RASEF: variants seen among roughly 807,000 people sequenced by gnomAD.
RASEF encodes RAS and EF-hand domain containing.
RASEF carries 68 observed loss-of-function variants against 90.1 expected under a neutral mutation model. The observed-to-expected ratio is 0.75, with a 90% CI of 0.62 to 0.92. RASEF has a LOEUF of 0.92. Ranked by LOEUF, RASEF falls within the 40% of genes least tolerant of loss-of-function variation. The pLI, the probability that RASEF is intolerant of heterozygous loss-of-function variation, is 0.00. For missense variants in RASEF, 949 were observed against 937.2 expected (o/e 1.01, Z -0.16); for synonymous variants, 331 against 345.2 (o/e 0.96, Z 0.46).
chr9:83,192,948 A>G, the RASEF span, among the ~76,000 whole-genome samples: 2 of 152,316 alleles, frequency 1.3e-5, no homozygotes, highest in Non-Finnish European at 2.9e-5. Flanking sequence ...GTGTTGGCCA[A>G]TGTGCCCAGG....
intron 3 of RASEF, among the ~76,000 whole-genome samples, chr9:83,016,187 T>C (rs528215595): frequency 3.9e-5 from 6 of 152,326 alleles, no homozygotes; most frequent in Admixed American, 2.0e-4. Flanking sequence ...ATAGAGACCA[T>C]AGCACATCAA....
chr9:83,092,628 T>G, the RASEF span, among the ~76,000 whole-genome samples: 1 of 152,022 alleles, frequency 6.6e-6, no homozygotes, highest in Non-Finnish European at 1.5e-5. Context: ...GTAGCGAGAT[T>G]TATTGCAAAG....
intron 1 of RASEF, among the ~76,000 whole-genome samples, chr9:83,044,517 A>T (rs61286285): frequency 0.044 from 6,735 of 152,180 alleles, 450 homozygotes; most frequent in African/African-American, 0.15. Flanking sequence ...ATAAAAAAAA[A>T]ATTAATAACT....
intron 9 of RASEF, among the ~76,000 whole-genome samples, chr9:83,003,669 C>T (rs1370870391): frequency 2.0e-5 from 3 of 152,116 alleles, no homozygotes; most frequent in Non-Finnish European, 4.4e-5. Context: ...AATAAGCCTT[C>T]GTAACAGGTC....
chr9:83,017,774 ACAT>A (rs1397903157), intron 3 of RASEF, among the ~76,000 whole-genome samples: 1 of 152,246 alleles, frequency 6.6e-6, no homozygotes, highest in Non-Finnish European at 1.5e-5. Flanking sequence ...TATCTCTTCC[ACAT>A]ATGAATGCAA....
chr9:83,055,118 G>C, intron 1 of RASEF: 1 of 169,174 alleles, frequency 5.9e-6, no homozygotes, highest in Non-Finnish European at 1.2e-5. Flanking sequence ...GCAAGCCTGG[G>C]CAATGGCGGG....
At chr9:83,115,904 A>AT in the RASEF span, among the ~76,000 whole-genome samples, 1 of 152,168 alleles carries the variant, frequency 6.6e-6, no homozygotes, top group Admixed American at 6.5e-5. Flanking sequence ...AGCTACAACT[A>AT]TTTTTTAAAA....
At chr9:83,209,110 T>C in the RASEF span, among the ~76,000 whole-genome samples, 1 of 152,324 alleles carries the variant, frequency 6.6e-6, no homozygotes, top group South Asian at 2.1e-4. Context: ...GCTCTGCTTC[T>C]CCGGGAGTCA....
chr9:83,192,671 G>A, the RASEF span, among the ~76,000 whole-genome samples: 4 of 148,632 alleles, frequency 2.7e-5, no homozygotes, highest in Non-Finnish European at 4.4e-5. Context: ...AAGTTTACCT[G>A]TATAACAAAC....
At chr9:83,070,795 C>A in the RASEF span, among the ~76,000 whole-genome samples, 5 of 152,238 alleles carry the variant, frequency 3.3e-5, no homozygotes, top group South Asian at 1.0e-3. Flanking sequence ...TCTTTATTTT[C>A]TCTCAACAAT....
intron 16 of RASEF, among the ~76,000 whole-genome samples, chr9:82,987,669 T>C (rs780820140): frequency 3.7e-4 from 56 of 152,306 alleles, no homozygotes; most frequent in Middle Eastern, 3.4e-3. Flanking sequence ...AACTTTAATA[T>C]GACCCCATAA....
intron 1 of RASEF, among the ~76,000 whole-genome samples, chr9:83,053,725 T>C (rs1289224443): frequency 6.8e-6 from 1 of 147,440 alleles, no homozygotes; most frequent in African/African-American, 2.7e-5. Flanking sequence ...CAGGAGCTCT[T>C]TTAGGGCAGG....
rs771202053 is a variant in RASEF, at chr9:83,062,655, G to A, written c.213C>T (p.Phe71=). Residue 71 remains phenylalanine (F), a synonymous_variant, in exon 1 of 17, where the codon TTC becomes TTT. Coordinates refer to ENST00000376447, the MANE Select transcript of RASEF (RefSeq NM_152573.4). Reference sequence around the variant, plus strand: ...GCCGCCCCCCGCGGAGGGACCCGAGGAAGCCACGCGCGAACTCCTGGAAGG... The same window carrying A: ...GCCGCCCCCCGCGGAGGGACCCGAGAAAGCCACGCGCGAACTCCTGGAAGG... ...AITFQEFARG[F]LGSLRGGRRR... 2 of 1,566,260 alleles carry A rather than the reference G, an allele frequency of 1.3e-6. No homozygotes were observed. The highest frequency in any genetic ancestry group is 1.7e-6 in the Non-Finnish European group (2 of 1,163,668).
chr9:83,213,021 A>C, the RASEF span, among the ~76,000 whole-genome samples: 1 of 152,092 alleles, frequency 6.6e-6, no homozygotes, highest in African/African-American at 2.4e-5. Flanking sequence ...CACAGTGATA[A>C]ATTATTAGAA....
chr9:82,998,005 C>G (rs1258856284), intron 13 of RASEF, among the ~76,000 whole-genome samples: 7 of 152,274 alleles, frequency 4.6e-5, no homozygotes, highest in African/African-American at 1.7e-4. Flanking sequence ...TCAAGGGGAG[C>G]TGACTGGTTC....
At chr9:83,016,991 T>A (rs1353645162) in intron 3 of RASEF, among the ~76,000 whole-genome samples, 3 of 152,154 alleles carry the variant, frequency 2.0e-5, no homozygotes, top group African/African-American at 7.2e-5. Flanking sequence ...GTAACGTTTT[T>A]AAAAGGGGCT....
the RASEF span, chr9:83,202,116 C>A: frequency 9.0e-6 from 1 of 110,928 alleles, no homozygotes; most frequent in South Asian, 3.6e-4. Flanking sequence ...AATCCTACTT[C>A]CTGTCCAAAA....
the RASEF span, among the ~76,000 whole-genome samples, chr9:83,098,251 G>T: frequency 6.6e-6 from 1 of 152,128 alleles, no homozygotes; most frequent in Non-Finnish European, 1.5e-5. Context: ...TTAAAAACAA[G>T]TTTAGGTCTA....
At chr9:83,033,088 T>C (rs1271611657) in intron 1 of RASEF, among the ~76,000 whole-genome samples, 1 of 152,224 alleles carries the variant, frequency 6.6e-6, no homozygotes, top group Non-Finnish European at 1.5e-5. Flanking sequence ...ACTCAAACCG[T>C]ATGTTTTATG....
Sources: gnomAD v4.1 joint callset for allele counts (sites outside exome capture counted in the v4.1 genomes callset) on GRCh38, gnomAD v4.1.1 for gene constraint, MANE v1.5 for transcripts, NCBI Gene and HGNC (gene_info 2026-07-23, HGNC 2026-07-21) for gene names.